Variants in RALYL observed in about 807,000 individuals in gnomAD.
The protein encoded by RALYL is RNA-binding Raly-like protein.
In RALYL, 29 loss-of-function variants were observed where a neutral mutation model predicts 35.1. The ratio of observed to expected loss-of-function variants is 0.83; its 90% CI spans 0.61 to 1.13. The LOEUF (loss-of-function observed/expected upper bound fraction) is 1.13. Among genes scored for constraint, RALYL ranks in the 50% most tolerant of loss-of-function variants. The pLI is 0.00. For missense variants in RALYL, 359 were observed against 360.4 expected (o/e 1.00, Z 0.03); for synonymous variants, 120 against 127.6 (o/e 0.94, Z 0.40).
intron 1 of RALYL, among the ~76,000 whole-genome samples, chr8:84,254,061 A>T (rs1413244203): frequency 6.6e-6 from 1 of 152,130 alleles, no homozygotes; most frequent in Non-Finnish European, 1.5e-5. Flanking sequence ...AGTCCTGGGG[A>T]CCGCCACAGT....
intron 4 of RALYL, among the ~76,000 whole-genome samples, chr8:84,830,151 A>G (rs1167421696): frequency 6.6e-6 from 1 of 152,042 alleles, no homozygotes; most frequent in Non-Finnish European, 1.5e-5. Context: ...GTGTCACCTC[A>G]TTGGACCTCA....
chr8:84,407,076 A>G (rs960736883), intron 1 of RALYL, among the ~76,000 whole-genome samples: 10 of 151,790 alleles, frequency 6.6e-5, no homozygotes, highest in Non-Finnish European at 1.5e-4. Flanking sequence ...ACAAACACAC[A>G]CACACACACA....
intron 1 of RALYL, among the ~76,000 whole-genome samples, chr8:84,456,270 A>G (rs1431947034): frequency 6.6e-6 from 1 of 151,992 alleles, no homozygotes; most frequent in Non-Finnish European, 1.5e-5. Context: ...AGCTGCAATC[A>G]TATGCCTTTT....
chr8:84,619,339 A>T (rs1820686293), intron 2 of RALYL, among the ~76,000 whole-genome samples: 1 of 151,150 alleles, frequency 6.6e-6, no homozygotes, highest in African/African-American at 2.5e-5. Context: ...TCCCTTTACC[A>T]TTATGTAATG....
chr8:84,614,817 C>A (rs1196582201), intron 2 of RALYL, among the ~76,000 whole-genome samples: 1 of 139,432 alleles, frequency 7.2e-6, no homozygotes, highest in Non-Finnish European at 1.5e-5. Context: ...GAAACATTTG[C>A]ATATTTTCTA....
intron 1 of RALYL, among the ~76,000 whole-genome samples, chr8:84,394,852 T>C (rs1342188146): frequency 6.6e-6 from 1 of 151,930 alleles, no homozygotes; most frequent in Non-Finnish European, 1.5e-5. Context: ...CACATAAAAA[T>C]AGGAAGTGTG....
intron 4 of RALYL, among the ~76,000 whole-genome samples, chr8:84,819,124 C>CT (rs1418470708): frequency 1.3e-5 from 2 of 152,026 alleles, no homozygotes; most frequent in Non-Finnish European, 2.9e-5. Flanking sequence ...TAAAAATCTA[C>CT]TTTTTTGCGT....
chr8:84,778,072 AG>A, intron 3 of RALYL, among the ~76,000 whole-genome samples: 1 of 152,314 alleles, frequency 6.6e-6, no homozygotes, highest in South Asian at 2.1e-4. Context: ...GTGCTTTTCT[AG>A]GAAACTAGCA....
chr8:84,423,597 T>G (rs1159417546), intron 1 of RALYL, among the ~76,000 whole-genome samples: 5 of 151,942 alleles, frequency 3.3e-5, no homozygotes, highest in Non-Finnish European at 5.9e-5. Flanking sequence ...TCATTATGAT[T>G]ATAGCTGGTG....
chr8:84,836,477 T>A (rs1476560244), intron 4 of RALYL, among the ~76,000 whole-genome samples: 1 of 152,224 alleles, frequency 6.6e-6, no homozygotes, highest in Non-Finnish European at 1.5e-5. Context: ...CAAAGGTCCT[T>A]GAAAATAAAT....
chr8:84,326,794 C>A (rs1845879760), intron 1 of RALYL, among the ~76,000 whole-genome samples: 2 of 152,064 alleles, frequency 1.3e-5, no homozygotes, highest in African/African-American at 2.4e-5. Flanking sequence ...AAATCCATGT[C>A]TTTTTAAGGG....
intron 2 of RALYL, among the ~76,000 whole-genome samples, chr8:84,541,800 A>G (rs1333298935): frequency 1.3e-5 from 2 of 152,038 alleles, no homozygotes; most frequent in Non-Finnish European, 2.9e-5. Context: ...ATATAGTATG[A>G]TATATCTATA....
chr8:84,760,506 A>G (rs953689843), intron 2 of RALYL, among the ~76,000 whole-genome samples: 1 of 152,106 alleles, frequency 6.6e-6, no homozygotes, highest in Non-Finnish European at 1.5e-5. Context: ...TATTGAGACG[A>G]AAAGAAAATA....
In RALYL at chr8:84,183,331, GC is replaced by G. The variant is rs975399469; in HGVS notation, c.-1115del. The G allele has an allele frequency of 3.9e-5, 6 of 154,676 alleles. No homozygotes were observed. Among genetic ancestry groups the G allele is most frequent in the African/African-American group, 1.4e-4 (6 of 41,584 alleles). 9.6% of individuals were successfully genotyped at this position (154,676 alleles called of 1,614,324 possible). A position where few individuals can be genotyped will look rare whatever the true frequency, so the allele number is the denominator to read the frequency against. On this transcript the variant is annotated 5_prime_UTR_variant, in exon 1 of 9. Transcript: ENST00000521268. ...TGCCGCTGCTGCCGCCACTGGTGTTGCCGCTCTCAGGCGCCAGGCTCCCCGT... is the reference window on the plus strand; with the variant it reads ...TGCCGCTGCTGCCGCCACTGGTGTTGCGCTCTCAGGCGCCAGGCTCCCCGT...
chr8:84,861,172 TTC>T (rs1241371095), intron 5 of RALYL, among the ~76,000 whole-genome samples: 2 of 152,208 alleles, frequency 1.3e-5, no homozygotes, highest in Non-Finnish European at 2.9e-5. Flanking sequence ...CAATATTTTA[TTC>T]TGTCACAATA....
Position 84,356,881 on chromosome 8 carries a change from A to AATAT in RALYL, c.-23-172410_-23-172407dup, listed in dbSNP as rs145621181. Among the ~76,000 whole-genome samples, 6 of 151,028 alleles carry AATAT rather than the reference A, an allele frequency of 4.0e-5. No individual in the cohort carries two copies. The South Asian group carries it at 6.2e-4, about 16-fold the overall frequency. On this transcript the variant is annotated intron_variant, in intron 1 of 8. Transcript: ENST00000521268. ...AAATTGAGGTAATTGGATTCTTGCA[A>AATAT]ATATATATATAGAATAATAGAGTAA... is the stretch of plus-strand genomic sequence containing the variant.
At chr8:84,232,103 A>T (rs1825516775) in intron 1 of RALYL, among the ~76,000 whole-genome samples, 1 of 152,174 alleles carries the variant, frequency 6.6e-6, no homozygotes, top group Non-Finnish European at 1.5e-5. Context: ...ATTTCGGATG[A>T]ATGGGATATT....
chr8:84,302,704 C>T (rs184688851), intron 1 of RALYL, among the ~76,000 whole-genome samples: 7 of 152,102 alleles, frequency 4.6e-5, no homozygotes, highest in African/African-American at 7.2e-5. Flanking sequence ...AAGATACCTG[C>T]GCAGCATTTT....
intron 1 of RALYL, among the ~76,000 whole-genome samples, chr8:84,349,757 A>G (rs1039982115): frequency 6.6e-6 from 1 of 150,564 alleles, no homozygotes; most frequent in Non-Finnish European, 1.5e-5. Context: ...TTCAAGAGAT[A>G]TGCTTAGAAG....
Sources: allele counts gnomAD v4.1 joint callset (sites outside exome capture counted in the v4.1 genomes callset), GRCh38; gene constraint gnomAD v4.1.1; transcripts MANE v1.5; gene names NCBI Gene and HGNC (gene_info 2026-07-23, HGNC 2026-07-21).